Variants in PPP4R3A observed in about 807,000 individuals in gnomAD.
PPP4R3A encodes serine/threonine-protein phosphatase 4 regulatory subunit 3A.
In PPP4R3A, 15 loss-of-function variants were observed where a neutral mutation model predicts 91.7. The ratio of observed to expected loss-of-function variants is 0.16; its 90% confidence interval spans 0.11 to 0.25. The LOEUF (loss-of-function observed/expected upper bound fraction) is 0.25. Ranked by LOEUF, PPP4R3A falls within the 10% of genes least tolerant of loss-of-function variation. The probability of loss-of-function intolerance (pLI) is 1.00; values close to 1 mark genes in which losing one functional copy is unlikely to be tolerated. For missense variants in PPP4R3A, 623 were observed against 998.4 expected, an observed-to-expected ratio of 0.62 and a Z score of 5.07; for synonymous variants, 377 against 348.7, an observed-to-expected ratio of 1.08 and a Z score of -0.91.
chr14:91,508,710 A>G (rs548146623), intron 1 of PPP4R3A, among the ~76,000 whole-genome samples: 2 of 152,228 alleles, frequency 1.3e-5, no homozygotes, highest in Non-Finnish European at 2.9e-5. Context: ...TTGAACCTTG[A>G]GGGCTGTTTC....
chr14:91,479,619 C>T (rs1434239636), intron 4 of PPP4R3A, among the ~76,000 whole-genome samples: 1 of 152,116 alleles, frequency 6.6e-6, no homozygotes, highest in Non-Finnish European at 1.5e-5. Flanking sequence ...TCTCAGCTCA[C>T]TGCAACCTCC....
Position 91,473,094 on chromosome 14 carries a change from G to A in PPP4R3A, c.1440C>T (p.His480=), listed in dbSNP as rs770385675. The A allele has an allele frequency of 6.2e-7, 1 of 1,614,194 alleles. No homozygotes were observed. Among genetic ancestry groups the A allele is most frequent in the Non-Finnish European group, 8.5e-7 (1 of 1,180,034 alleles). The change falls in exon 9 of 15, where the codon CAC becomes CAT. Residue 480 remains histidine, a synonymous_variant. Coordinates refer to ENST00000554943, the MANE Select transcript of PPP4R3A (RefSeq NM_001366432.2). ...KTEFLGFFYK[H]CMHVLTAPLL... Reference sequence around the variant, plus strand: ...AAGGAGCAGTGAGAACATGCATACAGTGCTTGTAGAAGAAACCCAGAAATT... The same window carrying A: ...AAGGAGCAGTGAGAACATGCATACAATGCTTGTAGAAGAAACCCAGAAATT...
intron 1 of PPP4R3A, among the ~76,000 whole-genome samples, chr14:91,507,556 T>C (rs1180644557): frequency 1.3e-4 from 11 of 85,058 alleles, no homozygotes; most frequent in Admixed American, 1.2e-3. Context: ...TATATAGTTA[T>C]ATATACTATA....
At chr14:91,475,538 C>A in intron 7 of PPP4R3A, 1 of 294,250 alleles carries the variant, frequency 3.4e-6, no homozygotes, top group Non-Finnish European at 6.3e-6. Context: ...ATTTAAAAAA[C>A]ACAATATAGC....
chr14:91,491,746 A>G (rs1427250299), intron 1 of PPP4R3A, among the ~76,000 whole-genome samples: 1 of 151,776 alleles, frequency 6.6e-6, no homozygotes, highest in East Asian at 1.9e-4. Context: ...TAATTACAGT[A>G]ACTTGTAACC....
At chr14:91,475,513 T>C (rs768155470) in intron 7 of PPP4R3A, 2 of 252,530 alleles carry the variant, frequency 7.9e-6, no homozygotes, top group Non-Finnish European at 1.5e-5. Flanking sequence ...GATACAAGAA[T>C]TGATTGACTA....
chr14:91,479,988 C>G (rs1271737558), intron 4 of PPP4R3A, among the ~76,000 whole-genome samples: 1 of 152,200 alleles, frequency 6.6e-6, no homozygotes, highest in Non-Finnish European at 1.5e-5. Flanking sequence ...TGGGATGACA[C>G]AGTAAGAGCT....
At chr14:91,465,859 CTT>C (rs1215441966) in intron 10 of PPP4R3A, among the ~76,000 whole-genome samples, 7 of 152,202 alleles carry the variant, frequency 4.6e-5, no homozygotes, top group Non-Finnish European at 8.8e-5. Context: ...TTTGGACACT[CTT>C]ATTATTTTGC....
At position 91,485,698 on chromosome 14, in the gene PPP4R3A, A is replaced by G. The variant is rs143007367; in HGVS notation, c.231T>C (p.Asn77=). The G allele has an allele frequency of 6.5e-5, 105 of 1,607,056 alleles. No individual in the cohort carries two copies. The highest frequency in any genetic ancestry group is 5.8e-4 in the Admixed American group (35 of 59,992). The change falls in exon 3 of 15, where the codon AAT becomes AAC. Residue 77 remains asparagine (N), a synonymous_variant. Coordinates refer to ENST00000554943, the MANE Select transcript of PPP4R3A (RefSeq NM_001366432.2). The part of the protein sequence containing the change: ...DTLIVWSEAE[N]YDLALSFQEK... ...CTTGAAAGCTAAGGGCCAAGTCATA[A>G]TTTTCTGCTTCAGACCACACAATCA...
Position 91,458,732 on chromosome 14 carries a change from G to A in PPP4R3A, c.*27C>T. ...GGTGGAGAACCAGTTTTTTTCAACA[G>A]GTACTGATCCTAGGCCGTTGCCATT... On this transcript the variant is annotated 3_prime_UTR_variant, in exon 15 of 15. Transcript: ENST00000554943. 6.2e-7 allele frequency: 1 copy of A among 1,613,896 alleles called. No homozygotes were observed. Among genetic ancestry groups the A allele is most frequent in the South Asian group, 1.1e-5 (1 of 91,070 alleles).
At chr14:91,498,264 G>C (rs1890708204) in intron 1 of PPP4R3A, among the ~76,000 whole-genome samples, 1 of 152,000 alleles carries the variant, frequency 6.6e-6, no homozygotes, top group Non-Finnish European at 1.5e-5. Context: ...GAACCTGGGA[G>C]GCAGAGGTTG....
intron 7 of PPP4R3A, among the ~76,000 whole-genome samples, chr14:91,474,115 T>C (rs941563591): frequency 1.3e-5 from 2 of 152,222 alleles, no homozygotes; most frequent in African/African-American, 4.8e-5. Flanking sequence ...GCCAGTGATG[T>C]ATGTTCTCCA....
At chr14:91,473,466 T>G in intron 7 of PPP4R3A, 96 bp from the exon 8 acceptor site, 122 of 1,326,036 alleles carry the variant, frequency 9.2e-5, no homozygotes, top group Non-Finnish European at 1.1e-4. Context: ...ACCTAGGCTC[T>G]AGCTGTTTTG....
intron 2 of PPP4R3A, among the ~76,000 whole-genome samples, chr14:91,488,084 G>A (rs1054421098): frequency 6.6e-6 from 1 of 152,108 alleles, no homozygotes; most frequent in Non-Finnish European, 1.5e-5. Context: ...AGCTAGTTAC[G>A]GGGCTGAGGA....
At chr14:91,480,590 G>T (rs1302899786) in intron 4 of PPP4R3A, among the ~76,000 whole-genome samples, 1 of 152,128 alleles carries the variant, frequency 6.6e-6, no homozygotes, top group African/African-American at 2.4e-5. Flanking sequence ...CATAGCGCCT[G>T]GCCCACAATT....
intron 4 of PPP4R3A, among the ~76,000 whole-genome samples, chr14:91,477,811 G>C (rs998231976): frequency 6.6e-5 from 10 of 152,158 alleles, no homozygotes; most frequent in East Asian, 5.8e-4. Context: ...ACTACACCCA[G>C]CTAATTTTTG....
chr14:91,465,861 T>C (rs1008972321), intron 10 of PPP4R3A, among the ~76,000 whole-genome samples: 2 of 152,162 alleles, frequency 1.3e-5, no homozygotes, highest in African/African-American at 4.8e-5. Context: ...TGGACACTCT[T>C]ATTATTTTGC....
rs902267567 is a variant in PPP4R3A, at chr14:91,509,817, G to A, written c.-170C>T. 2.0e-4 allele frequency: 240 copies of A among 1,205,324 alleles called. No individual in the cohort carries two copies. Among genetic ancestry groups the A allele is most frequent in the South Asian group, 4.3e-4 (12 of 28,054 alleles). 74.7% of individuals were successfully genotyped at this position (1,205,324 alleles called of 1,614,324 possible). A position where few individuals can be genotyped will look rare whatever the true frequency, so the allele number is the denominator to read the frequency against. On this transcript the variant is annotated 5_prime_UTR_variant, in exon 1 of 15. Coordinates refer to ENST00000554943, the MANE Select transcript of PPP4R3A (RefSeq NM_001366432.2). ...GCCGCCGCCTGCATGGCCCGCTCCA[G>A]GGACCGAGCTCTGGGCCGCCGCCTT...
intron 10 of PPP4R3A, chr14:91,466,500 GTA>G (rs1888475265): frequency 1.1e-6 from 1 of 917,468 alleles, no homozygotes; most frequent in Non-Finnish European, 1.3e-6. Flanking sequence ...GCCCAATTAG[GTA>G]CAGTTGATTA....
Sources: allele counts gnomAD v4.1 joint callset (sites outside exome capture counted in the v4.1 genomes callset), GRCh38; gene constraint gnomAD v4.1.1; transcripts MANE v1.5; gene names NCBI Gene and HGNC (gene_info 2026-07-23, HGNC 2026-07-21).